Variants in CDC25A observed in about 807,000 individuals in gnomAD.
CDC25A encodes M-phase inducer phosphatase 1.
A neutral mutation model predicts 64.6 loss-of-function variants in CDC25A; 17 were observed. The ratio of observed to expected loss-of-function variants is 0.26; its 90% CI spans 0.18 to 0.39. The LOEUF is 0.39. Among genes scored for constraint, CDC25A ranks in the 10% least tolerant of loss-of-function variants. CDC25A has a pLI of 1.00. For synonymous variants in CDC25A, 229 were observed against 238.6 expected (o/e 0.96, Z 0.37); for missense variants, 473 against 654.8 (o/e 0.72, Z 3.03).
At chr3:48,159,199 A>T in intron 14 of CDC25A, 114 bp from the exon 15 acceptor site, 1 of 1,375,096 alleles carries the variant, frequency 7.3e-7, no homozygotes, top group East Asian at 2.3e-5. Context: ...CTAGGGAGCC[A>T]GTTCTACAGG....
chr3:48,163,298 AAAAG>A (rs1189548409), intron 13 of CDC25A, among the ~76,000 whole-genome samples: 47 of 148,230 alleles, frequency 3.2e-4, no homozygotes, highest in East Asian at 7.8e-4. Context: ...AAAAAAAAAA[AAAAG>A]AAAGAAAGAA....
chr3:48,178,218 C>G (rs1165110669), intron 6 of CDC25A, among the ~76,000 whole-genome samples: 6 of 152,200 alleles, frequency 3.9e-5, no homozygotes, highest in Non-Finnish European at 1.5e-5. Context: ...TTGCCAGAAG[C>G]AATTCACCTT....
In CDC25A at chr3:48,187,997, C is replaced by G. The variant is rs1390335077; in HGVS notation, c.-50G>C. The G allele has an allele frequency of 4.5e-6, 6 of 1,327,934 alleles. No homozygotes were observed. In the South Asian group the frequency reaches 7.5e-5, roughly 17 times the overall value. The allele number at this position is 1,327,934 out of a possible 1,614,324, so 82.3% of individuals were successfully genotyped here. On this transcript the variant is annotated 5_prime_UTR_variant, in exon 1 of 15. Coordinates refer to ENST00000302506, the MANE Select transcript of CDC25A (RefSeq NM_001789.3). ...CCCGCTCCCTCTTCCTCTGCCTCCGCCGCGACCGCCCCGCCCCGCCGACAC... is the reference window on the plus strand; with the variant it reads ...CCCGCTCCCTCTTCCTCTGCCTCCGGCGCGACCGCCCCGCCCCGCCGACAC...
At chr3:48,169,166 A>G (rs2032172747) in intron 9 of CDC25A, among the ~76,000 whole-genome samples, 1 of 152,332 alleles carries the variant, frequency 6.6e-6, no homozygotes, top group Non-Finnish European at 1.5e-5. Flanking sequence ...AAGAGATCCA[A>G]TATTCATCCT....
intron 12 of CDC25A, among the ~76,000 whole-genome samples, chr3:48,164,970 C>T (rs1008730954): frequency 9.9e-5 from 15 of 150,824 alleles, no homozygotes; most frequent in African/African-American, 3.7e-4. Context: ...ATTAGCCGGG[C>T]GTGGCAGCGT....
intron 8 of CDC25A, among the ~76,000 whole-genome samples, chr3:48,176,989 A>T (rs2032488303): frequency 6.6e-6 from 1 of 152,024 alleles, no homozygotes; most frequent in Middle Eastern, 3.2e-3. Flanking sequence ...AAAACAAAAA[A>T]CACAGAAACA....
intron 9 of CDC25A, among the ~76,000 whole-genome samples, chr3:48,168,620 CTTTT>C (rs35535424): frequency 5.1e-4 from 69 of 135,448 alleles, no homozygotes; most frequent in Admixed American, 1.1e-3. Context: ...TATGTCTTAA[CTTTT>C]TTTTTTTTTT....
intron 3 of CDC25A, among the ~76,000 whole-genome samples, chr3:48,184,367 A>T (rs2032774181): frequency 6.6e-6 from 1 of 152,090 alleles, no homozygotes; most frequent in Admixed American, 6.5e-5. Context: ...AAACAAACAA[A>T]CAAACAAAAA....
At chr3:48,163,928 T>C (rs186650215) in intron 13 of CDC25A, among the ~76,000 whole-genome samples, 16 of 152,362 alleles carry the variant, frequency 1.1e-4, no homozygotes, top group African/African-American at 3.6e-4. Context: ...AGATGACTGA[T>C]GGGCAGCTCT....
intron 9 of CDC25A, 73 bp from the exon 10 acceptor site, chr3:48,168,017 T>G (rs984822136): frequency 5.7e-6 from 5 of 881,144 alleles, no homozygotes; most frequent in Non-Finnish European, 9.5e-6. Context: ...ACTTGGAGCA[T>G]GTCTCGAGGA....
rs1426856754 is a variant in CDC25A at position 48,174,446 on chromosome 3, G to C, written c.768C>G (p.Cys256Trp). The change falls in exon 9 of 15, where the codon TGC (cysteine) becomes TGG (tryptophan). Residue 256 changes from cysteine to tryptophan, a missense_variant. Cys to Trp is a radical substitution (Grantham distance 215). Transcript: ENST00000302506. ...VMRTTNLDNRCKLFDSPSLCS... is the reference protein window; with the variant it reads ...VMRTTNLDNRWKLFDSPSLCS... ...ACAGGGAAGGGGAGTCAAACAGCTT[G>C]CATCGGTTGTCCTTACAGGAAAAAA... 2 of 1,608,934 alleles carry C rather than the reference G, an allele frequency of 1.2e-6. No individual in the cohort carries two copies. The highest frequency in any genetic ancestry group is 1.3e-5 in the African/African-American group (1 of 74,546).
rs374054897 is a variant in CDC25A, at chr3:48,183,856, T to C, written c.291-20A>G. 4.2e-5 allele frequency: 63 copies of C among 1,502,294 alleles called. No individual in the cohort carries two copies. The African/African-American group carries it at 7.7e-4, about 18-fold the overall frequency. 93.1% of individuals were successfully genotyped at this position (1,502,294 alleles called of 1,614,324 possible). Reference sequence around the variant, plus strand: ...TCAAGGCTGTAATGAGATCAGAAGGTAAATAATGAGAATAAAACAAGTAAA... The same window carrying C: ...TCAAGGCTGTAATGAGATCAGAAGGCAAATAATGAGAATAAAACAAGTAAA... On this transcript the variant is annotated intron_variant, in intron 3 of 14. Transcript: ENST00000302506.
intron 8 of CDC25A, among the ~76,000 whole-genome samples, chr3:48,175,520 C>T (rs1055060305): frequency 2.2e-4 from 34 of 152,288 alleles, no homozygotes; most frequent in African/African-American, 7.9e-4. Flanking sequence ...TTGAAATCTT[C>T]CTGATAGTCC....
chr3:48,165,734 T>C lies in CDC25A; in HGVS notation c.1093A>G (p.Met365Val), dbSNP rs1257301594. ...AACTTGCCATTCAAAACAGATGCCA[T>C]CTGTTGAGAGAAAATTAGGGAGAAT... Reference protein sequence around the residue: ...QDLKYISPEIMASVLNGKFAN... With the variant: ...QDLKYISPEIVASVLNGKFAN... The change falls in exon 12 of 15, where the codon ATG (methionine) becomes GTG (valine). Residue 365 changes from methionine (M) to valine (V), a missense_variant and splice_region_variant. Physicochemically the swap from Met to Val is conservative, Grantham distance 21. This residue lies in a region of CDC25A where 97 missense variants were observed against 223.0 expected (regional missense o/e 0.43). Transcript: ENST00000302506. 3 of 1,611,892 alleles carry C rather than the reference T, an allele frequency of 1.9e-6. No homozygotes were observed. The highest frequency in any genetic ancestry group is 1.1e-5 in the South Asian group (1 of 91,014).
At chr3:48,175,168 G>A (rs545744786) in intron 8 of CDC25A, among the ~76,000 whole-genome samples, 9 of 152,220 alleles carry the variant, frequency 5.9e-5, no homozygotes, top group Admixed American at 2.6e-4. Context: ...GTGGTGGTGC[G>A]TGCCTTTAAT....
chr3:48,175,167 C>T (rs897873077), intron 8 of CDC25A, among the ~76,000 whole-genome samples: 5 of 152,026 alleles, frequency 3.3e-5, no homozygotes, highest in African/African-American at 9.7e-5. Flanking sequence ...TGTGGTGGTG[C>T]GTGCCTTTAA....
At chr3:48,167,337 G>C (rs1266207314) in intron 10 of CDC25A, among the ~76,000 whole-genome samples, 1 of 152,226 alleles carries the variant, frequency 6.6e-6, no homozygotes, top group Non-Finnish European at 1.5e-5. Context: ...TCCTAGCCTT[G>C]TATTTTACTG....
At chr3:48,187,683 T>G (rs1167854848) in intron 1 of CDC25A, 95 bp downstream of exon 1, 3 of 1,239,640 alleles carry the variant, frequency 2.4e-6, no homozygotes, top group Non-Finnish European at 3.3e-6. Context: ...GACGGACGGG[T>G]CTCGCCCTTC....
In CDC25A at chr3:48,158,355, C is replaced by T. The variant is rs1338795603; in HGVS notation, c.*590G>A. On this transcript the variant is annotated 3_prime_UTR_variant, in exon 15 of 15. Coordinates refer to ENST00000302506, the MANE Select transcript of CDC25A (RefSeq NM_001789.3). The stretch of plus-strand genomic sequence containing the variant: ...CTTATAACAGGTTTGCATTTTCTTA[C>T]CCACTTCTTTTTTTTTTTTAAATTA... 6.6e-6 allele frequency: 1 copy of T among 152,372 alleles called. No individual in the cohort carries two copies. Among genetic ancestry groups the T allele is most frequent in the Non-Finnish European group, 1.5e-5 (1 of 67,988 alleles). 9.4% of individuals were successfully genotyped at this position (152,372 alleles called of 1,614,324 possible).
Sources: gnomAD v4.1 joint callset for allele counts (sites outside exome capture counted in the v4.1 genomes callset) on GRCh38, gnomAD v4.1.1 for gene constraint, gnomAD v4.1.1 regional missense constraint, MANE v1.5 for transcripts, NCBI Gene and HGNC (gene_info 2026-07-23, HGNC 2026-07-21) for gene names.